The following GXYLT2 variants were observed in gnomAD, a reference collection of about 807,000 sequenced individuals.
The protein encoded by GXYLT2 is glucoside xylosyltransferase 2, also known as glycosyltransferase 8 domain containing 4.
Under a neutral mutation model 45.8 loss-of-function variants are expected in GXYLT2, and 53 were observed. The observed-to-expected ratio is 1.16, with a 90% CI of 0.93 to 1.46. GXYLT2 has a LOEUF of 1.46. Ranked by LOEUF, GXYLT2 falls within the 40% of genes most tolerant of loss-of-function variation. The pLI, the probability that GXYLT2 is intolerant of heterozygous loss-of-function variation, is 0.00. For synonymous variants in GXYLT2, 219 were observed against 214.2 expected (o/e 1.02, Z -0.19); for missense variants, 551 against 544.4 (o/e 1.01, Z -0.12).
chr3:72,957,408 G>A (rs1287011899), intron 5 of GXYLT2, 56 bp downstream of exon 5: 26 of 1,517,750 alleles, frequency 1.7e-5, no homozygotes, highest in African/African-American at 6.9e-5. Context: ...CACACCCCAC[G>A]GAGCACATTC....
At chr3:72,955,475 C>T in intron 4 of GXYLT2, 126 bp downstream of exon 4, 1 of 744,306 alleles carries the variant, frequency 1.3e-6, no homozygotes, top group Non-Finnish European at 2.1e-6. Context: ...ATAAAAGGAA[C>T]CAGAGAAAAG....
Position 72,888,510 on chromosome 3 carries a change from T to C in GXYLT2, c.275+2T>C. 1 of 1,231,516 alleles carries C rather than the reference T, an allele frequency of 8.1e-7. No individual in the cohort carries two copies. Among genetic ancestry groups the C allele is most frequent in the Non-Finnish European group, 1.0e-6 (1 of 985,066 alleles). The allele number at this position is 1,231,516 out of a possible 1,614,324, so 76.3% of individuals were successfully genotyped here. A position where few individuals can be genotyped will look rare whatever the true frequency, so the allele number is the denominator to read the frequency against. On this transcript the variant is annotated splice_donor_variant, in intron 1 of 6. Transcript: ENST00000389617. LOFTEE classifies it high-confidence loss of function. ...TGCGAGACTGGAGAAGTTGGCGAGG[T>C]GAGTCGTGGCAACCCCAGAATCCCA...
At chr3:72,892,369 ATTG>A (rs1355471108) in intron 1 of GXYLT2, among the ~76,000 whole-genome samples, 1 of 152,076 alleles carries the variant, frequency 6.6e-6, no homozygotes, top group Admixed American at 6.5e-5. Flanking sequence ...TGGCCTGGAT[ATTG>A]TTGTTTCTCT....
intron 1 of GXYLT2, among the ~76,000 whole-genome samples, chr3:72,893,454 C>T (rs1330819084): frequency 6.6e-6 from 1 of 152,198 alleles, no homozygotes; most frequent in Non-Finnish European, 1.5e-5. Flanking sequence ...TCCTCTCCAT[C>T]ACTCTCTTCT....
In GXYLT2 at chr3:72,957,297, T is replaced by G; in HGVS notation, c.921T>G (p.Asn307Lys). 1 of 1,613,326 alleles carries G rather than the reference T, an allele frequency of 6.2e-7. No homozygotes were observed. The highest frequency in any genetic ancestry group is 8.5e-7 in the Non-Finnish European group (1 of 1,179,400). ...ACCCTCTGTACCAGAAGTACAAGAA[T>G]GCCATCACGTGGGGAGACCAGGATT... The part of the protein sequence containing the change: ...MLYPLYQKYK[N>K]AITWGDQDLL... The change falls in exon 5 of 7, where the codon AAT (asparagine) becomes AAG (lysine). Residue 307 changes from asparagine (N) to lysine (K), a missense_variant. Transcript: ENST00000389617.
chr3:72,897,629 A>G (rs1709319445), intron 1 of GXYLT2, among the ~76,000 whole-genome samples: 1 of 152,210 alleles, frequency 6.6e-6, no homozygotes, highest in South Asian at 2.1e-4. Flanking sequence ...AAAAAGTCCT[A>G]AAAATGGATG....
intron 3 of GXYLT2, among the ~76,000 whole-genome samples, chr3:72,937,778 A>G (rs1475515389): frequency 2.0e-5 from 3 of 152,352 alleles, no homozygotes; most frequent in African/African-American, 7.2e-5. Context: ...ATGGATAAAG[A>G]AAAAAGAAAT....
At chr3:72,909,276 C>T (rs2107081753) in intron 2 of GXYLT2, among the ~76,000 whole-genome samples, 1 of 151,280 alleles carries the variant, frequency 6.6e-6, no homozygotes, top group South Asian at 2.1e-4. Context: ...CACCATGTTG[C>T]CTAGGCTGGT....
At position 72,975,369 on chromosome 3, in the gene GXYLT2, G is replaced by GAAAA; in HGVS notation, c.*219_*222dup. 3.0e-6 allele frequency: 1 copy of GAAAA among 329,692 alleles called. No homozygotes were observed. 20.4% of individuals were successfully genotyped at this position (329,692 alleles called of 1,614,324 possible). ...TTCTAAAATGCTATTTATCTCTAAGGAAAAAAAAAAAAGACTATTACTCAT... is the reference window on the plus strand; with the variant it reads ...TTCTAAAATGCTATTTATCTCTAAGGAAAAAAAAAAAAAAAAGACTATTACTCAT... On this transcript the variant is annotated 3_prime_UTR_variant, in exon 7 of 7. Transcript: ENST00000389617.
chr3:72,909,386 T>C (rs987698674), intron 2 of GXYLT2, among the ~76,000 whole-genome samples: 2 of 151,950 alleles, frequency 1.3e-5, no homozygotes, highest in Non-Finnish European at 2.9e-5. Context: ...TTTTTCCCCA[T>C]ATATAGTTGT....
At chr3:72,908,661 AT>A in intron 2 of GXYLT2, 102 bp downstream of exon 2, 2 of 979,326 alleles carry the variant, frequency 2.0e-6, no homozygotes, top group Non-Finnish European at 3.0e-6. Flanking sequence ...TGCATGTTCA[AT>A]TGTGTGACTT....
chr3:72,924,068 A>C (rs1006543826), intron 3 of GXYLT2, among the ~76,000 whole-genome samples: 1 of 152,168 alleles, frequency 6.6e-6, no homozygotes, highest in African/African-American at 2.4e-5. Context: ...GGGAAGGGCC[A>C]TGTTTAAGAA....
intron 6 of GXYLT2, among the ~76,000 whole-genome samples, chr3:72,968,088 C>T (rs949889665): frequency 6.6e-6 from 1 of 152,152 alleles, no homozygotes; most frequent in African/African-American, 2.4e-5. Context: ...ATTTTCCTGC[C>T]TCAGCCTCCC....
At chr3:72,931,642 G>A (rs1201839443) in intron 3 of GXYLT2, among the ~76,000 whole-genome samples, 1 of 152,032 alleles carries the variant, frequency 6.6e-6, no homozygotes, top group African/African-American at 2.4e-5. Context: ...ACCTAACACA[G>A]GGTTTAGAGG....
intron 5 of GXYLT2, among the ~76,000 whole-genome samples, chr3:72,963,812 ACAGTCATGT>A (rs1375654898): frequency 1.3e-5 from 2 of 151,616 alleles, no homozygotes; most frequent in Non-Finnish European, 2.9e-5. Context: ...AGCTGCAATT[ACAGTCATGT>A]GCCACCACGC....
chr3:72,921,179 TA>T lies in GXYLT2; in HGVS notation c.469-1012del, dbSNP rs398062462. 7.9e-4 allele frequency among the ~76,000 whole-genome samples: 114 copies of T among 144,454 alleles called. 1 individual carries two copies. The highest frequency in any genetic ancestry group is 2.4e-3 in the East Asian group (12 of 5,018). 94.8% of individuals were successfully genotyped at this position (144,454 alleles called of 152,430 possible). A position where few individuals can be genotyped will look rare whatever the true frequency, so the allele number is the denominator to read the frequency against. ...ATTCATTCAGACAGTAGTGAAGAAATAAAAAAAAAAAAATTTATAGTTTTTT... is the reference window on the plus strand; with the variant it reads ...ATTCATTCAGACAGTAGTGAAGAAATAAAAAAAAAAAATTTATAGTTTTTT... On this transcript the variant is annotated intron_variant, in intron 2 of 6. Coordinates refer to ENST00000389617, the MANE Select transcript of GXYLT2 (RefSeq NM_001080393.2).
chr3:72,915,709 G>A (rs1193752797), intron 2 of GXYLT2, among the ~76,000 whole-genome samples: 7 of 152,064 alleles, frequency 4.6e-5, no homozygotes, highest in South Asian at 2.1e-4. Flanking sequence ...TGTGGCATGC[G>A]CCTGTAATCC....
intron 1 of GXYLT2, among the ~76,000 whole-genome samples, chr3:72,906,651 A>G (rs142577709): frequency 6.6e-6 from 1 of 152,264 alleles, no homozygotes; most frequent in East Asian, 1.9e-4. Flanking sequence ...GTACTTAGTA[A>G]AGATTTGTTG....
At chr3:72,906,231 C>G (rs776785623) in intron 1 of GXYLT2, among the ~76,000 whole-genome samples, 4 of 152,162 alleles carry the variant, frequency 2.6e-5, no homozygotes, top group Admixed American at 6.5e-5. Context: ...GTGAGTCTTG[C>G]AGGCGGGGGT....
Sources: gnomAD v4.1 joint callset for allele counts (sites outside exome capture counted in the v4.1 genomes callset) on GRCh38, gnomAD v4.1.1 for gene constraint, MANE v1.5 for transcripts, NCBI Gene and HGNC (gene_info 2026-07-23, HGNC 2026-07-21) for gene names.